Variants in IARS1 observed in about 807,000 individuals in gnomAD.
The protein encoded by IARS1 is isoleucine--tRNA ligase, cytoplasmic.
IARS1 carries 124 observed loss-of-function variants against 168.2 expected under a neutral mutation model. That is an observed-to-expected ratio of 0.74 (90% CI 0.64 to 0.86). The LOEUF (loss-of-function observed/expected upper bound fraction) is 0.86. IARS1 is among the 40% of genes least tolerant of loss of function. IARS1 has a pLI of 0.00. For missense variants in IARS1, 1,452 were observed against 1,515.8 expected, an observed-to-expected ratio of 0.96 and a Z score of 0.70; for synonymous variants, 532 against 529.4, an observed-to-expected ratio of 1.00 and a Z score of -0.07.
At chr9:92,274,321 A>G (rs1421395035) in intron 10 of IARS1, 105 bp downstream of exon 10, 4 of 813,624 alleles carry the variant, frequency 4.9e-6, no homozygotes, top group African/African-American at 1.7e-5. Flanking sequence ...TGAGCCAGAA[A>G]AGAGGCCAAC....
At chr9:92,218,898 C>A (rs1260720558) in intron 33 of IARS1, among the ~76,000 whole-genome samples, 1 of 151,980 alleles carries the variant, frequency 6.6e-6, no homozygotes, top group African/African-American at 2.4e-5. Context: ...CAATGCCTTT[C>A]TTCACAGAAT....
intron 10 of IARS1, among the ~76,000 whole-genome samples, chr9:92,274,080 G>C (rs970597805): frequency 6.6e-6 from 1 of 152,112 alleles, no homozygotes; most frequent in Non-Finnish European, 1.5e-5. Flanking sequence ...ACTGTTTTGA[G>C]GGGAGAGGTC....
At chr9:92,290,941 C>CA (rs1836224117) in intron 1 of IARS1, among the ~76,000 whole-genome samples, 1 of 152,124 alleles carries the variant, frequency 6.6e-6, no homozygotes. Flanking sequence ...ATGAGAATCT[C>CA]ACATTCAAAT....
intron 33 of IARS1, among the ~76,000 whole-genome samples, chr9:92,218,190 T>C (rs1285690291): frequency 8.2e-5 from 12 of 146,262 alleles, no homozygotes; most frequent in Admixed American, 2.7e-4. Flanking sequence ...ATTATCTCAA[T>C]AGATGCAGAA....
chr9:92,258,015 T>C (rs182199190), intron 19 of IARS1, among the ~76,000 whole-genome samples: 7 of 152,238 alleles, frequency 4.6e-5, no homozygotes, highest in Non-Finnish European at 1.0e-4. Flanking sequence ...GCCATTGAAG[T>C]ACACTTCCAC....
Position 92,247,473 on chromosome 9 carries a change from T to G in IARS1, c.2695A>C (p.Met899Leu), listed in dbSNP as rs773602204. The G allele has an allele frequency of 6.2e-7, 1 of 1,614,106 alleles. No individual in the cohort carries two copies. The highest frequency in any genetic ancestry group is 1.1e-5 in the South Asian group (1 of 91,080). The change falls in exon 26 of 34, where the codon ATG becomes CTG. Residue 899 changes from methionine to leucine, a missense_variant. By Grantham distance (15) the Met-to-Leu change is conservative. Coordinates refer to ENST00000443024, the MANE Select transcript of IARS1 (RefSeq NM_002161.6). ...GIRLRAEPDH[M>L]VLGKRLKGAF... ...CCCTTCAGACGCTTCCCCAGGACCA[T>G]GTGATCTGGTTCTGCCCTTAGCCGA...
chr9:92,291,963 A>C (rs1440047750), intron 1 of IARS1, among the ~76,000 whole-genome samples: 2 of 152,058 alleles, frequency 1.3e-5, no homozygotes, highest in African/African-American at 4.8e-5. Flanking sequence ...TATCTATCTG[A>C]ATTTTTATTT....
chr9:92,277,777 T>A (rs1833973454), intron 9 of IARS1, 86 bp downstream of exon 9: 1 of 1,078,886 alleles, frequency 9.3e-7, no homozygotes. Flanking sequence ...CTCATAAAAG[T>A]AATGTCAATT....
At chr9:92,255,436 G>C (rs1299158381) in intron 20 of IARS1, among the ~76,000 whole-genome samples, 1 of 152,164 alleles carries the variant, frequency 6.6e-6, no homozygotes, top group African/African-American at 2.4e-5. Context: ...AGGTGTCCCA[G>C]ATTTCTCACC....
Position 92,260,239 on chromosome 9 carries a change from T to TA in IARS1, c.1788-6dup, listed in dbSNP as rs766764964. The stretch of plus-strand genomic sequence containing the variant: ...TTGCTCATTTTTTGGCCATCACTTG[T>TA]AAAACAAAAGGGAGATGCCAATTAA... On this transcript the variant is annotated splice_polypyrimidine_tract_variant and splice_region_variant and intron_variant, in intron 17 of 33. Coordinates refer to ENST00000443024, the MANE Select transcript of IARS1 (RefSeq NM_002161.6). 8.6e-5 allele frequency: 137 copies of TA among 1,599,880 alleles called. 1 individual carries two copies. Among genetic ancestry groups the TA allele is most frequent in the Admixed American group, 6.7e-4 (40 of 60,006 alleles).
Position 92,247,492 on chromosome 9 carries a change from T to C in IARS1, c.2676A>G (p.Leu892=). 6.2e-7 allele frequency: 1 copy of C among 1,614,198 alleles called. No homozygotes were observed. Among genetic ancestry groups the C allele is most frequent in the Non-Finnish European group, 8.5e-7 (1 of 1,180,036 alleles). ...STDKNKYGIR[L]RAEPDHMVLG... The stretch of plus-strand genomic sequence containing the variant: ...GGACCATGTGATCTGGTTCTGCCCT[T>C]AGCCGAATGCCATACTTGTTTTTAT... The change falls in exon 26 of 34, where the codon CTA becomes CTG. Residue 892 remains leucine, a synonymous_variant. Coordinates refer to ENST00000443024, the MANE Select transcript of IARS1 (RefSeq NM_002161.6).
intron 33 of IARS1, among the ~76,000 whole-genome samples, chr9:92,221,340 C>T (rs545290777): frequency 3.9e-5 from 6 of 152,028 alleles, no homozygotes; most frequent in Non-Finnish European, 5.9e-5. Context: ...CCACAAGTGC[C>T]GAAAGACACA....
At chr9:92,261,978 G>C (rs1831592789) in intron 17 of IARS1, among the ~76,000 whole-genome samples, 1 of 151,336 alleles carries the variant, frequency 6.6e-6, no homozygotes, top group South Asian at 2.1e-4. Flanking sequence ...TCCAACTCCT[G>C]ACCTCAGGAG....
intron 12 of IARS1, among the ~76,000 whole-genome samples, chr9:92,270,457 TTC>T (rs1482600093): frequency 6.6e-6 from 1 of 152,192 alleles, no homozygotes; most frequent in Non-Finnish European, 1.5e-5. Context: ...AGGTCTATTT[TTC>T]TCTCACAGTT....
chr9:92,272,864 CAAAAAAAAA>C (rs869076663), intron 10 of IARS1, among the ~76,000 whole-genome samples: 2 of 57,040 alleles, frequency 3.5e-5, no homozygotes, highest in Non-Finnish European at 6.4e-5. Flanking sequence ...CAAAACAAAA[CAAAAAAAAA>C]AAAAAAAAAA....
At chr9:92,277,717 A>T in intron 9 of IARS1, 146 bp downstream of exon 9, 1 of 619,006 alleles carries the variant, frequency 1.6e-6, no homozygotes. Context: ...AAGCTACACA[A>T]ACAATTTAAT....
intron 31 of IARS1, among the ~76,000 whole-genome samples, chr9:92,225,528 T>C (rs961256642): frequency 6.6e-5 from 10 of 151,120 alleles, no homozygotes; most frequent in African/African-American, 1.9e-4. Flanking sequence ...TTTTGGGTAA[T>C]GAAGTTAGCA....
intron 30 of IARS1, among the ~76,000 whole-genome samples, chr9:92,229,421 T>G (rs1460223880): frequency 6.6e-6 from 1 of 151,436 alleles, no homozygotes; most frequent in Non-Finnish European, 1.5e-5. Flanking sequence ...TTGGCAATCC[T>G]TGGTAGCTAT....
intron 10 of IARS1, among the ~76,000 whole-genome samples, chr9:92,274,040 C>A (rs2133894388): frequency 6.6e-6 from 1 of 152,250 alleles, no homozygotes; most frequent in African/African-American, 2.4e-5. Context: ...AAAAATTATT[C>A]TAGTCAAAAT....
Sources: allele counts gnomAD v4.1 joint callset (sites outside exome capture counted in the v4.1 genomes callset), GRCh38; gene constraint gnomAD v4.1.1; transcripts MANE v1.5; gene names NCBI Gene and HGNC (gene_info 2026-07-23, HGNC 2026-07-21).